Variants in TRAF2 observed in about 807,000 individuals in gnomAD.
TRAF2 encodes the protein TNF receptor-associated factor 2.
Under a neutral mutation model 55.6 loss-of-function variants are expected in TRAF2, and 6 were observed. The ratio of observed to expected loss-of-function variants is 0.11; its 90% CI spans 0.06 to 0.21. The LOEUF is 0.21. TRAF2 is among the 10% of genes least tolerant of loss of function. The pLI is 1.00. For missense variants in TRAF2, 561 were observed against 684.5 expected, an observed-to-expected ratio of 0.82 and a Z score of 2.01; for synonymous variants, 329 against 276.3, an observed-to-expected ratio of 1.19 and a Z score of -1.89.
intron 6 of TRAF2, among the ~76,000 whole-genome samples, chr9:136,914,989 G>T (rs530358979): frequency 2.0e-5 from 3 of 152,158 alleles, no homozygotes; most frequent in African/African-American, 7.2e-5. Context: ...AGACCTGCCT[G>T]ACCAAAATGC....
chr9:136,911,438 AT>A (rs1490733680), intron 6 of TRAF2, among the ~76,000 whole-genome samples: 1 of 151,048 alleles, frequency 6.6e-6, no homozygotes, highest in Non-Finnish European at 1.5e-5. Context: ...CTAATTTTGT[AT>A]TTTCAGTAGA....
upstream of TRAF2, chr9:136,882,773 C>A: frequency 1.0e-6 from 1 of 985,256 alleles, no homozygotes; most frequent in Non-Finnish European, 1.2e-6. Context: ...TCACAGCTTC[C>A]AAGCTGGTGG....
rs1429437224 is a variant in TRAF2, at chr9:136,909,976, G to T, written c.585G>T (p.Lys195Asn). 10 of 1,613,940 alleles carry T rather than the reference G, an allele frequency of 6.2e-6. No individual in the cohort carries two copies. The highest frequency in any genetic ancestry group is 8.5e-6 in the Non-Finnish European group (10 of 1,179,978). Residue 195 changes from lysine to asparagine, a missense_variant, in exon 6 of 11, where the codon AAG (lysine) becomes AAT (asparagine). Lys to Asn is a moderately conservative substitution (Grantham distance 94). Around this residue, in one of 2 missense-constraint regions of TRAF2, gnomAD observed 426 missense variants for 476.8 expected, o/e 0.89. Transcript: ENST00000247668. ...FPLTCDGCGK[K>N]KIPREKFQDH... Reference sequence around the variant, plus strand: ...TAACTTGTGACGGCTGCGGCAAGAAGAAGATCCCCCGGGAGAAGGTGAGTG... The same window carrying T: ...TAACTTGTGACGGCTGCGGCAAGAATAAGATCCCCCGGGAGAAGGTGAGTG...
chr9:136,908,371 C>T (rs553626945), intron 5 of TRAF2, 140 bp downstream of exon 5: 54 of 979,138 alleles, frequency 5.5e-5, no homozygotes, highest in Middle Eastern at 3.3e-4. Context: ...GACACGCGGG[C>T]GGATGTTTCT....
At chr9:136,898,319 A>G (rs1031489834) in intron 1 of TRAF2, among the ~76,000 whole-genome samples, 1 of 152,216 alleles carries the variant, frequency 6.6e-6, no homozygotes, top group African/African-American at 2.4e-5. Context: ...TATTGCAGGA[A>G]CCATGGGGGA....
chr9:136,925,624 G>A, intron 10 of TRAF2, 59 bp from the exon 11 acceptor site: 1 of 1,570,264 alleles, frequency 6.4e-7, no homozygotes, highest in Non-Finnish European at 8.7e-7. Context: ...CAGACCCTCG[G>A]GAGCCAGAGA....
Position 136,920,207 on chromosome 9 carries a change from AGCAGCCTCCCT to A in TRAF2, c.679-24_679-14del. 1 of 1,581,618 alleles carries A rather than the reference AGCAGCCTCCCT, an allele frequency of 6.3e-7. No homozygotes were observed. Among genetic ancestry groups the A allele is most frequent in the South Asian group, 1.1e-5 (1 of 88,854 alleles). On this transcript the variant is annotated splice_polypyrimidine_tract_variant and intron_variant, in intron 7 of 10. Transcript: ENST00000247668. ...TGGGAGCCGAATGGTGGATGGAGCC[AGCAGCCTCCCT>A]GCCCTGTGTCCGCAGGTAGAGGGTG... is the stretch of plus-strand genomic sequence containing the variant.
At chr9:136,882,889 TA>T (rs1849390586), upstream of TRAF2, 4 of 331,172 alleles carry the variant, frequency 1.2e-5, no homozygotes, top group Non-Finnish European at 1.7e-5. Context: ...TCAATATTAT[TA>T]GACAGAGTCT....
intron 9 of TRAF2, 85 bp downstream of exon 9, chr9:136,921,300 C>T: frequency 3.9e-6 from 6 of 1,543,048 alleles, no homozygotes; most frequent in Non-Finnish European, 5.3e-6. Context: ...CATAGGATGG[C>T]TCCCAAGGGT....
rs1242571836 is a variant in TRAF2 at position 136,914,039 on chromosome 9, TC to T, written c.604-2501del. 2.6e-5 allele frequency among the ~76,000 whole-genome samples: 4 copies of T among 152,324 alleles called. No individual in the cohort carries two copies. The South Asian group carries it at 8.3e-4, about 32-fold the overall frequency. ...AGAAGCCTTGGCAGTGACGGACACC[TC>T]GTGTTTGATAAGGTGTTTGCCCCTT... On this transcript the variant is annotated intron_variant, in intron 6 of 10. Coordinates refer to ENST00000247668, the MANE Select transcript of TRAF2 (RefSeq NM_021138.4).
Position 136,914,717 on chromosome 9 carries a change from A to G in TRAF2, c.604-1824A>G, listed in dbSNP as rs567489109. On this transcript the variant is annotated intron_variant, in intron 6 of 10. Transcript: ENST00000247668. ...GTAGCACTGAGTCTGATCCATGGCA[A>G]ATTATGTGATGACGAAGTTCTCTTT... is the stretch of plus-strand genomic sequence containing the variant. 2.0e-5 allele frequency among the ~76,000 whole-genome samples: 3 copies of G among 152,264 alleles called. No homozygotes were observed. In the South Asian group the frequency reaches 6.2e-4, roughly 32 times the overall value.
At chr9:136,886,778 G>C in intron 1 of TRAF2, 1 of 203,116 alleles carries the variant, frequency 4.9e-6, no homozygotes. Context: ...TCGGGAACGC[G>C]CGCGGCCGTG....
At chr9:136,921,451 C>T (rs1850382862) in intron 9 of TRAF2, among the ~76,000 whole-genome samples, 4 of 152,260 alleles carry the variant, frequency 2.6e-5, no homozygotes, top group South Asian at 4.1e-4. Flanking sequence ...TGCCCTCCTG[C>T]CGTGCCAGCC....
At chr9:136,882,046 C>A, upstream of TRAF2, 1 of 985,520 alleles carries the variant, frequency 1.0e-6, no homozygotes, top group Non-Finnish European at 1.2e-6. Flanking sequence ...GGGCACTTCC[C>A]CTGGGGACAG....
intron 6 of TRAF2, among the ~76,000 whole-genome samples, chr9:136,913,442 T>TG (rs1850169135): frequency 6.6e-6 from 1 of 151,324 alleles, no homozygotes; most frequent in African/African-American, 2.4e-5. Flanking sequence ...GGATTACAGG[T>TG]GCCCACCACC....
At chr9:136,924,939 A>G (rs1340273031) in intron 10 of TRAF2, among the ~76,000 whole-genome samples, 2 of 152,200 alleles carry the variant, frequency 1.3e-5, no homozygotes, top group South Asian at 2.1e-4. Flanking sequence ...GGGTTTCTCC[A>G]TGTTGGCCAG....
intron 6 of TRAF2, 136 bp downstream of exon 6, chr9:136,910,130 G>C: frequency 1.0e-6 from 1 of 982,788 alleles, no homozygotes; most frequent in Non-Finnish European, 1.6e-6. Context: ...CTGTAACGTT[G>C]GGTCATGGAT....
chr9:136,902,404 AAT>A (rs1005366552), intron 4 of TRAF2: 3 of 152,260 alleles, frequency 2.0e-5, no homozygotes, highest in African/African-American at 4.8e-5. Flanking sequence ...CAGGTGGGAT[AAT>A]AGTTTCCAGC....
At chr9:136,922,080 T>TG (rs1436972551) in intron 9 of TRAF2, among the ~76,000 whole-genome samples, 1 of 152,252 alleles carries the variant, frequency 6.6e-6, no homozygotes, top group African/African-American at 2.4e-5. Context: ...AGCCTGGCAC[T>TG]GCTCGTGAAA....
Sources: allele counts gnomAD v4.1 joint callset (sites outside exome capture counted in the v4.1 genomes callset), GRCh38; gene constraint gnomAD v4.1.1; regional missense constraint gnomAD v4.1.1; transcripts MANE v1.5; gene names NCBI Gene and HGNC (gene_info 2026-07-23, HGNC 2026-07-21).